Variants in PRKCH observed in about 807,000 individuals in gnomAD.
PRKCH encodes the protein protein kinase C eta type.
PRKCH carries 28 observed loss-of-function variants against 82.5 expected under a neutral mutation model. That is an observed-to-expected ratio of 0.34 (90% confidence interval 0.25 to 0.47). The LOEUF is 0.47. PRKCH is among the 20% of genes least tolerant of loss of function. The probability of loss-of-function intolerance (pLI) is 1.00; values close to 1 mark genes in which losing one functional copy is unlikely to be tolerated. For missense variants in PRKCH, 705 were observed against 881.8 expected (o/e 0.80, Z 2.54); for synonymous variants, 322 against 327.4 (o/e 0.98, Z 0.18).
intron 10 of PRKCH, among the ~76,000 whole-genome samples, chr14:61,519,789 G>A (rs941954248): frequency 1.3e-5 from 2 of 151,738 alleles, no homozygotes; most frequent in African/African-American, 4.8e-5. Context: ...TCAGACTTCA[G>A]GGACACATTG....
At chr14:61,523,161 G>T (rs1453949966) in intron 10 of PRKCH, among the ~76,000 whole-genome samples, 1 of 152,108 alleles carries the variant, frequency 6.6e-6, no homozygotes, top group Non-Finnish European at 1.5e-5. Context: ...CAAATGATCT[G>T]CACATTTGAC....
chr14:61,497,818 G>T (rs1440656732), intron 10 of PRKCH, among the ~76,000 whole-genome samples: 1 of 152,122 alleles, frequency 6.6e-6, no homozygotes, highest in Non-Finnish European at 1.5e-5. Flanking sequence ...GATCAGAAGA[G>T]ACTACCCAAA....
intron 3 of PRKCH, among the ~76,000 whole-genome samples, chr14:61,444,195 T>C (rs1227872547): frequency 6.6e-6 from 1 of 152,240 alleles, no homozygotes; most frequent in Non-Finnish European, 1.5e-5. Context: ...GATTTTGAGA[T>C]GCTAAACCAG....
intron 12 of PRKCH, among the ~76,000 whole-genome samples, chr14:61,547,174 A>C (rs905982083): frequency 7.9e-5 from 12 of 152,340 alleles, no homozygotes; most frequent in Non-Finnish European, 1.6e-4. Flanking sequence ...TCTTCGCTGC[A>C]TAAAGAAAAG....
At chr14:61,248,772 GTATGTATGTATGTATGTATGTA>G (rs2044909953) in intron 1 of PRKCH, among the ~76,000 whole-genome samples, 1 of 99,282 alleles carries the variant, frequency 1.0e-5, no homozygotes, top group Non-Finnish European at 1.9e-5. Context: ...ATGTATGTAT[GTATGTATGTATGTATGTATGTA>G]TGTATGTGTG....
intron 1 of PRKCH, among the ~76,000 whole-genome samples, chr14:61,331,736 C>A (rs1447195980): frequency 1.3e-5 from 2 of 152,132 alleles, no homozygotes; most frequent in African/African-American, 4.8e-5. Context: ...ATCTCTAAAG[C>A]CTCTGCTTCC....
chr14:61,268,655 A>C (rs1276610821), intron 1 of PRKCH, among the ~76,000 whole-genome samples: 1 of 152,176 alleles, frequency 6.6e-6, no homozygotes, highest in African/African-American at 2.4e-5. Context: ...GTGACAGGGC[A>C]AGACGCTGCC....
chr14:61,347,913 G>A (rs1052433368), intron 1 of PRKCH: 1 of 152,824 alleles, frequency 6.5e-6, no homozygotes, highest in African/African-American at 2.4e-5. Context: ...AACAAGCTTG[G>A]CGGAGGCAGT....
intron 9 of PRKCH, among the ~76,000 whole-genome samples, chr14:61,472,323 C>T (rs1885541815): frequency 6.6e-6 from 1 of 152,232 alleles, no homozygotes; most frequent in South Asian, 2.1e-4. Context: ...TACACTTTCA[C>T]TTTACCAGCA....
At chr14:61,541,981 G>C (rs766988421) in intron 12 of PRKCH, among the ~76,000 whole-genome samples, 1 of 152,204 alleles carries the variant, frequency 6.6e-6, no homozygotes, top group Admixed American at 6.5e-5. Flanking sequence ...TGCAGATATA[G>C]TTGCACATTA....
upstream of PRKCH, among the ~76,000 whole-genome samples, chr14:61,321,334 C>T (rs2045618564): frequency 6.6e-6 from 1 of 152,210 alleles, no homozygotes. This position sits in a 1 kb window ranked among gnomAD's most constrained non-coding sequence, Gnocchi z 4.1. Context: ...GGTCAGTCTA[C>T]CACGCCTCAG....
intron 2 of PRKCH, among the ~76,000 whole-genome samples, chr14:61,402,139 T>TA (rs1243646763): frequency 6.6e-6 from 1 of 152,242 alleles, no homozygotes; most frequent in Non-Finnish European, 1.5e-5. Context: ...AAAATTGTGT[T>TA]ATGAGATATG....
At chr14:61,307,701 A>T (rs970786147) in intron 1 of PRKCH, among the ~76,000 whole-genome samples, 2 of 152,020 alleles carry the variant, frequency 1.3e-5, no homozygotes, top group Admixed American at 1.3e-4. Flanking sequence ...TTTGTTTTTT[A>T]TCATAAAACA....
chr14:61,291,683 C>CT (rs1199730942), intron 1 of PRKCH, among the ~76,000 whole-genome samples: 1 of 152,188 alleles, frequency 6.6e-6, no homozygotes, highest in African/African-American at 2.4e-5. Flanking sequence ...GAGAAAGCCT[C>CT]TGATGAACCA....
intron 1 of PRKCH, among the ~76,000 whole-genome samples, chr14:61,384,958 T>C (rs1285931861): frequency 6.6e-6 from 1 of 152,076 alleles, no homozygotes; most frequent in African/African-American, 2.4e-5. Context: ...GTCCCGTTGT[T>C]CTAGCACCAT....
Position 61,228,431 on chromosome 14 carries a change from G to C in PRKCH, c.-19+40763G>C, listed in dbSNP as rs2095005066. Among the ~76,000 whole-genome samples, 8 of 152,212 alleles carry C rather than the reference G, an allele frequency of 5.3e-5. No individual in the cohort carries two copies. In the South Asian group the frequency reaches 1.7e-3, roughly 31 times the overall value. On this transcript the variant is annotated intron_variant, in intron 1 of 3. Coordinates refer to the PRKCH transcript ENST00000555185. ...TCCTCATAGCAAGTTCCCTTCTGCTGTGTCAATAGAAGCCACCTCTTCTCA... is the reference window on the plus strand; with the variant it reads ...TCCTCATAGCAAGTTCCCTTCTGCTCTGTCAATAGAAGCCACCTCTTCTCA...
intron 1 of PRKCH, among the ~76,000 whole-genome samples, chr14:61,311,384 A>G (rs1446076377): frequency 6.6e-6 from 1 of 152,240 alleles, no homozygotes; most frequent in African/African-American, 2.4e-5. Context: ...GGATAGCTCC[A>G]GTGTTCAATA....
At chr14:61,527,480 C>T (rs1004635255) in intron 10 of PRKCH, among the ~76,000 whole-genome samples, 1 of 152,200 alleles carries the variant, frequency 6.6e-6, no homozygotes, top group African/African-American at 2.4e-5. Context: ...AGCCCTGCTT[C>T]CTTTCCCCTG....
rs79324524 is a variant in PRKCH, at chr14:61,276,682, T to C, written c.-19+89014T>C. Among the ~76,000 whole-genome samples, 263 of 110,374 alleles carry C rather than the reference T, an allele frequency of 2.4e-3. 4 individuals are homozygous for C. Among genetic ancestry groups the C allele is most frequent in the East Asian group, 0.023 (82 of 3,618 alleles). The allele number at this position is 110,374 out of a possible 152,430, so 72.4% of individuals were successfully genotyped here. A position where few individuals can be genotyped will look rare whatever the true frequency, so the allele number is the denominator to read the frequency against. ...GGAATTTACTTTTTGATTACGTGTA[T>C]GCCCTTGGACTTCTTATATCCAAGG... On this transcript the variant is annotated intron_variant, in intron 1 of 3. Transcript: ENST00000555185.
Sources: allele counts gnomAD v4.1 joint callset (sites outside exome capture counted in the v4.1 genomes callset), GRCh38; gene constraint gnomAD v4.1.1; non-coding constraint Gnocchi (gnomAD v3.1); transcripts MANE v1.5; gene names NCBI Gene and HGNC (gene_info 2026-07-23, HGNC 2026-07-21).